Variants in GRK5 observed in about 807,000 individuals in gnomAD.
GRK5 encodes G protein-coupled receptor kinase 5, also known as g protein-coupled receptor kinase GRK5.
A neutral mutation model predicts 78.4 loss-of-function variants in GRK5; 40 were observed. The ratio of observed to expected loss-of-function variants is 0.51; its 90% CI spans 0.40 to 0.66. GRK5 has a LOEUF of 0.66. Among genes scored for constraint, GRK5 ranks in the 30% least tolerant of loss-of-function variants. The pLI is 0.00. For synonymous variants in GRK5, 289 were observed against 296.8 expected (o/e 0.97, Z 0.27); for missense variants, 598 against 759.9 (o/e 0.79, Z 2.50).
At chr10:119,324,899 A>G (rs1346259273) in intron 1 of GRK5, among the ~76,000 whole-genome samples, 2 of 152,384 alleles carry the variant, frequency 1.3e-5, no homozygotes, top group East Asian at 3.9e-4. Context: ...CCGCCTCACC[A>G]CGGCAGGTGC....
chr10:119,385,195 G>GA (rs1851774353), intron 3 of GRK5, among the ~76,000 whole-genome samples: 2 of 152,312 alleles, frequency 1.3e-5, no homozygotes, highest in Middle Eastern at 3.4e-3. Flanking sequence ...GACTTTGGGT[G>GA]AAATGGGGGA....
chr10:119,429,525 C>T (rs558550021), intron 6 of GRK5, among the ~76,000 whole-genome samples: 1 of 150,382 alleles, frequency 6.6e-6, no homozygotes, highest in African/African-American at 2.5e-5. Flanking sequence ...ACCGTGATGT[C>T]CTTTATGGCA....
intron 1 of GRK5, among the ~76,000 whole-genome samples, chr10:119,237,718 G>C (rs1659511487): frequency 6.6e-6 from 1 of 152,018 alleles, no homozygotes; most frequent in Admixed American, 6.6e-5. Flanking sequence ...GGCAGGTCGG[G>C]TGGGGTGGGG....
At chr10:119,240,123 A>C (rs570620710) in intron 1 of GRK5, among the ~76,000 whole-genome samples, 27 of 150,270 alleles carry the variant, frequency 1.8e-4, no homozygotes, top group Non-Finnish European at 3.5e-4. Context: ...GAACTAATTT[A>C]CATTCCCACC....
In GRK5 at chr10:119,452,658, C is replaced by T; in HGVS notation, c.1405-13C>T. 2.5e-6 allele frequency: 4 copies of T among 1,613,828 alleles called. No homozygotes were observed. The highest frequency in any genetic ancestry group is 3.4e-6 in the Non-Finnish European group (4 of 1,179,992). ...GCGGGACATATGTGTGACCGGCCCT[C>T]TGCCCCTGGCAGCCCCGCGCTGTGT... is the stretch of plus-strand genomic sequence containing the variant. On this transcript the variant is annotated splice_polypyrimidine_tract_variant and intron_variant, in intron 13 of 15. Transcript: ENST00000392870. The surrounding 1 kb of genome is among the most constrained non-coding windows in gnomAD (Gnocchi z 4.4).
At chr10:119,444,366 T>C (rs1172177260) in intron 12 of GRK5, among the ~76,000 whole-genome samples, 1 of 151,332 alleles carries the variant, frequency 6.6e-6, no homozygotes, top group African/African-American at 2.4e-5. Flanking sequence ...AGATAAGGAG[T>C]GACAGGAGCC....
chr10:119,261,663 G>C (rs540363376), intron 1 of GRK5, among the ~76,000 whole-genome samples: 4 of 152,238 alleles, frequency 2.6e-5, no homozygotes, highest in African/African-American at 9.6e-5. Flanking sequence ...TCGGGAGGCC[G>C]AGGCTGGCGG....
Position 119,401,260 on chromosome 10 carries a change from G to A in GRK5, c.339+4488G>A, listed in dbSNP as rs561695624. On this transcript the variant is annotated intron_variant, in intron 4 of 15. Coordinates refer to ENST00000392870, the MANE Select transcript of GRK5 (RefSeq NM_005308.3). ...AAGCAATGCCTATGCCTTGAGCTCC[G>A]TTCTCCCTCACCACGGAGGACGCCC... Among the ~76,000 whole-genome samples the A allele has an allele frequency of 7.2e-5, 11 of 152,268 alleles. No individual in the cohort carries two copies. The South Asian group carries it at 2.1e-3, about 29-fold the overall frequency.
intron 1 of GRK5, among the ~76,000 whole-genome samples, chr10:119,307,838 A>G (rs917678655): frequency 6.6e-6 from 1 of 152,138 alleles, no homozygotes; most frequent in Non-Finnish European, 1.5e-5. Flanking sequence ...CATCTTGCCA[A>G]CAGAGCCCTC....
chr10:119,251,943 C>T (rs1386959554), intron 1 of GRK5, among the ~76,000 whole-genome samples: 1 of 152,224 alleles, frequency 6.6e-6, no homozygotes, highest in African/African-American at 2.4e-5. Flanking sequence ...CAATCCTCAG[C>T]CCTTCCACTA....
rs188062736 is a variant in GRK5, at chr10:119,399,226, C to T, written c.339+2454C>T. Among the ~76,000 whole-genome samples, 170 of 152,342 alleles carry T rather than the reference C, an allele frequency of 1.1e-3. 1 individual carries two copies. Among genetic ancestry groups the T allele is most frequent in the African/African-American group, 3.8e-3 (159 of 41,582 alleles). The stretch of plus-strand genomic sequence containing the variant: ...ACACCATATGTTACGGCCAGGGAGG[C>T]CTCCAGGGGAGGTGGTTGATCCATG... On this transcript the variant is annotated intron_variant, in intron 4 of 15. Coordinates refer to ENST00000392870, the MANE Select transcript of GRK5 (RefSeq NM_005308.3).
At chr10:119,228,720 A>G (rs955296562) in intron 1 of GRK5, among the ~76,000 whole-genome samples, 7 of 152,246 alleles carry the variant, frequency 4.6e-5, no homozygotes, top group African/African-American at 7.2e-5. Flanking sequence ...CAGATTATGT[A>G]CAACGAATGT....
intron 4 of GRK5, among the ~76,000 whole-genome samples, 153 bp downstream of exon 4, chr10:119,396,925 C>G (rs568997118): frequency 6.6e-6 from 1 of 152,340 alleles, no homozygotes; most frequent in East Asian, 1.9e-4. Flanking sequence ...CCATCCTCCC[C>G]CAGAGAGTGC....
At chr10:119,291,077 C>T (rs1234444431) in intron 1 of GRK5, among the ~76,000 whole-genome samples, 2 of 152,014 alleles carry the variant, frequency 1.3e-5, no homozygotes, top group Non-Finnish European at 2.9e-5. Flanking sequence ...GAGGGATGAG[C>T]GGACATTAGA....
intron 4 of GRK5, among the ~76,000 whole-genome samples, chr10:119,403,916 C>G (rs1425785742): frequency 6.6e-6 from 1 of 152,066 alleles, no homozygotes; most frequent in African/African-American, 2.4e-5. Flanking sequence ...ATTACAGGCA[C>G]GAGCCACCGT....
chr10:119,216,945 TAAAA>T (rs542611940), intron 1 of GRK5, among the ~76,000 whole-genome samples: 2 of 150,924 alleles, frequency 1.3e-5, no homozygotes, highest in Non-Finnish European at 3.0e-5. Context: ...AATAATAATT[TAAAA>T]AAAAACATAA....
At chr10:119,210,343 C>G (rs1432110170) in intron 1 of GRK5, among the ~76,000 whole-genome samples, 1 of 152,230 alleles carries the variant, frequency 6.6e-6, no homozygotes, top group Non-Finnish European at 1.5e-5. Flanking sequence ...TTCTTTCTCT[C>G]TTATGCCTAG....
At chr10:119,279,446 T>G (rs1405907153) in intron 1 of GRK5, among the ~76,000 whole-genome samples, 1 of 152,100 alleles carries the variant, frequency 6.6e-6, no homozygotes, top group Non-Finnish European at 1.5e-5. Context: ...CTCAGCATCC[T>G]GGGGGAGAGA....
At chr10:119,292,249 C>T (rs1460350579) in intron 1 of GRK5, among the ~76,000 whole-genome samples, 10 of 87,632 alleles carry the variant, frequency 1.1e-4, no homozygotes, top group African/African-American at 2.2e-4. Context: ...TTCCTCCTTC[C>T]CCTCCTCTTC....
Sources: allele counts gnomAD v4.1 joint callset (sites outside exome capture counted in the v4.1 genomes callset), GRCh38; gene constraint gnomAD v4.1.1; non-coding constraint Gnocchi (gnomAD v3.1); transcripts MANE v1.5; gene names NCBI Gene and HGNC (gene_info 2026-07-23, HGNC 2026-07-21).